The following AFG1L variants were observed in gnomAD, a reference collection of about 807,000 sequenced individuals.
AFG1L encodes AFG1-like ATPase.
Under a neutral mutation model 62.2 loss-of-function variants are expected in AFG1L, and 53 were observed. The ratio of observed to expected loss-of-function variants is 0.85; its 90% CI spans 0.68 to 1.07. The LOEUF (loss-of-function observed/expected upper bound fraction) is 1.07. AFG1L is among the 50% of genes least tolerant of loss of function. The pLI is 0.00. For synonymous variants in AFG1L, 228 were observed against 210.3 expected (o/e 1.08, Z -0.73); for missense variants, 555 against 590.5 (o/e 0.94, Z 0.62).
chr6:108,350,122 T>C (rs1218888154), intron 3 of AFG1L, among the ~76,000 whole-genome samples: 1 of 140,142 alleles, frequency 7.1e-6, no homozygotes, highest in Non-Finnish European at 1.5e-5. Context: ...CTCAGGAGGC[T>C]GAGGCAGAGG....
At chr6:108,329,120 C>T (rs963824135) in intron 2 of AFG1L, among the ~76,000 whole-genome samples, 1 of 149,958 alleles carries the variant, frequency 6.7e-6, no homozygotes, top group Admixed American at 6.6e-5. Context: ...TCCCTCCTTC[C>T]TTTCAAGACA....
intron 1 of AFG1L, among the ~76,000 whole-genome samples, chr6:108,316,993 C>A (rs1777629986): frequency 6.6e-6 from 1 of 151,994 alleles, no homozygotes; most frequent in African/African-American, 2.4e-5. Context: ...TTTCAAGAGG[C>A]TCCAAGACAC....
intron 7 of AFG1L, among the ~76,000 whole-genome samples, chr6:108,441,712 A>AAAAAATATATATAT (rs1401294615): frequency 1.9e-4 from 27 of 139,486 alleles, no homozygotes; most frequent in African/African-American, 6.2e-4. Context: ...AAAAAAAAAA[A>AAAAAATATATATAT]ATATATATAT....
chr6:108,335,568 GAAC>G (rs200882283), intron 2 of AFG1L, among the ~76,000 whole-genome samples: 2,924 of 152,300 alleles, frequency 0.019, 51 homozygotes, highest in Middle Eastern at 0.099. Context: ...CTCAGATTCA[GAAC>G]AACAACAGCG....
intron 6 of AFG1L, among the ~76,000 whole-genome samples, chr6:108,386,108 G>C (rs1225168823): frequency 6.6e-6 from 1 of 152,124 alleles, no homozygotes; most frequent in Non-Finnish European, 1.5e-5. Flanking sequence ...ATGAGACTCT[G>C]TCTCTCAAAT....
intron 10 of AFG1L, among the ~76,000 whole-genome samples, chr6:108,489,060 C>T (rs1773677893): frequency 1.3e-5 from 2 of 152,176 alleles, no homozygotes. Flanking sequence ...AAGTAGAGCA[C>T]AGCCAACACT....
intron 2 of AFG1L, among the ~76,000 whole-genome samples, chr6:108,332,666 A>G (rs1778318754): frequency 6.6e-6 from 1 of 152,000 alleles, no homozygotes; most frequent in Non-Finnish European, 1.5e-5. Context: ...CCCAGGCTGG[A>G]GTGCAGTCAT....
chr6:108,332,181 T>C (rs1234359784), intron 2 of AFG1L, among the ~76,000 whole-genome samples: 3 of 152,238 alleles, frequency 2.0e-5, no homozygotes, highest in African/African-American at 4.8e-5. Context: ...TGGCCATAAT[T>C]TGCTGGCCTT....
At chr6:108,411,431 G>A (rs566003328) in intron 7 of AFG1L, among the ~76,000 whole-genome samples, 5 of 152,306 alleles carry the variant, frequency 3.3e-5, no homozygotes, top group African/African-American at 1.2e-4. Flanking sequence ...CCAGCACGGA[G>A]TTTGAGATCT....
chr6:108,418,789 A>G (rs1218730695), intron 7 of AFG1L, among the ~76,000 whole-genome samples: 2 of 152,246 alleles, frequency 1.3e-5, no homozygotes, highest in Non-Finnish European at 2.9e-5. Context: ...AACAATATTT[A>G]TGGAGTATAA....
intron 7 of AFG1L, among the ~76,000 whole-genome samples, chr6:108,424,074 C>G (rs908396658): frequency 9.2e-5 from 14 of 151,994 alleles, no homozygotes; most frequent in African/African-American, 3.4e-4. Context: ...ACTACACAAT[C>G]ACATCACACT....
chr6:108,322,659 A>C (rs1777861654), intron 1 of AFG1L, among the ~76,000 whole-genome samples: 1 of 152,210 alleles, frequency 6.6e-6, no homozygotes, highest in African/African-American at 2.4e-5. Context: ...CTTTTGGGGA[A>C]AACATGGACC....
chr6:108,448,812 A>G (rs1048336670), intron 8 of AFG1L, among the ~76,000 whole-genome samples: 1 of 152,194 alleles, frequency 6.6e-6, no homozygotes, highest in African/African-American at 2.4e-5. Flanking sequence ...AACCAGACCT[A>G]CAAAGGACAC....
intron 6 of AFG1L, among the ~76,000 whole-genome samples, chr6:108,382,042 C>A (rs1780561122): frequency 8.2e-6 from 1 of 121,802 alleles, no homozygotes; most frequent in Admixed American, 1.1e-4. Context: ...CTCTTGTTGT[C>A]CAGGCTGGAG....
intron 10 of AFG1L, among the ~76,000 whole-genome samples, chr6:108,485,650 ATATATATTTTTTTTTT>A (rs1327772335): frequency 1.4e-4 from 3 of 21,846 alleles, no homozygotes; most frequent in South Asian, 5.2e-3. Context: ...ATATATATAT[ATATATATTTTTTTTTT>A]TTTTTTTTTT....
At chr6:108,322,558 TA>T (rs1480736279) in intron 1 of AFG1L, among the ~76,000 whole-genome samples, 1 of 152,184 alleles carries the variant, frequency 6.6e-6, no homozygotes. Flanking sequence ...TGCATCCAGC[TA>T]AAACTTCTAT....
intron 8 of AFG1L, among the ~76,000 whole-genome samples, chr6:108,473,713 A>C (rs981266558): frequency 2.0e-5 from 3 of 151,994 alleles, no homozygotes; most frequent in African/African-American, 7.3e-5. Flanking sequence ...GCATGCCACC[A>C]CACCCAGCTA....
intron 10 of AFG1L, among the ~76,000 whole-genome samples, chr6:108,502,764 A>G (rs1399232774): frequency 2.0e-5 from 3 of 152,202 alleles, no homozygotes; most frequent in Non-Finnish European, 4.4e-5. Flanking sequence ...CTTTCACAAA[A>G]GATTTCTTTC....
chr6:108,344,520 A>C (rs1189972388), intron 2 of AFG1L, among the ~76,000 whole-genome samples: 1 of 152,154 alleles, frequency 6.6e-6, no homozygotes, highest in Non-Finnish European at 1.5e-5. Context: ...CAGGAGTTCA[A>C]GGCTGTAGTA....
Sources: allele counts gnomAD v4.1 joint callset (sites outside exome capture counted in the v4.1 genomes callset), GRCh38; gene constraint gnomAD v4.1.1; transcripts MANE v1.5; gene names NCBI Gene and HGNC (gene_info 2026-07-23, HGNC 2026-07-21).